ANTXR2: variants seen among roughly 807,000 people sequenced by gnomAD.
The protein encoded by ANTXR2 is ANTXR cell adhesion molecule 2.
A neutral mutation model predicts 73.7 loss-of-function variants in ANTXR2; 44 were observed. That is an observed-to-expected ratio of 0.60 (90% CI 0.47 to 0.77). The LOEUF is 0.77. Ranked by LOEUF, ANTXR2 falls within the 30% of genes least tolerant of loss-of-function variation. The pLI, the probability that ANTXR2 is intolerant of heterozygous loss-of-function variation, is 0.00. For synonymous variants in ANTXR2, 217 were observed against 205.9 expected (o/e 1.05, Z -0.46); for missense variants, 604 against 592.5 (o/e 1.02, Z -0.20).
chr4:79,915,896 A>G lies in ANTXR2; in HGVS notation c.1429-8429T>C, dbSNP rs1489969882. Reference sequence around the variant, plus strand: ...TATATATACATAAAGAATCTGTGCTATCTTTTGCTCTAAATAAAACTGCAA... The same window carrying G: ...TATATATACATAAAGAATCTGTGCTGTCTTTTGCTCTAAATAAAACTGCAA... On this transcript the variant is annotated intron_variant, in intron 16 of 16. Coordinates refer to ENST00000403729, the MANE Select transcript of ANTXR2 (RefSeq NM_058172.6). Among the ~76,000 whole-genome samples the G allele has an allele frequency of 2.1e-5, 3 of 142,050 alleles. No homozygotes were observed. The East Asian group carries it at 6.1e-4, about 29-fold the overall frequency. 93.2% of individuals were successfully genotyped at this position (142,050 alleles called of 152,430 possible).
chr4:79,927,706 C>A (rs1415661041), intron 16 of ANTXR2, among the ~76,000 whole-genome samples: 1 of 152,008 alleles, frequency 6.6e-6, no homozygotes, highest in East Asian at 1.9e-4. Context: ...ATGTTGTATA[C>A]CTTAAATATA....
intron 10 of ANTXR2, among the ~76,000 whole-genome samples, chr4:80,021,010 A>C (rs1732132409): frequency 6.6e-6 from 1 of 151,820 alleles, no homozygotes; most frequent in Non-Finnish European, 1.5e-5. Context: ...TTAGCCGGGC[A>C]TGGTGGCACG....
At chr4:79,976,742 T>C (rs1729651845) in intron 16 of ANTXR2, among the ~76,000 whole-genome samples, 4 of 152,172 alleles carry the variant, frequency 2.6e-5, no homozygotes, top group Admixed American at 2.0e-4. Context: ...AATTCTTTTC[T>C]GGATGAAGCC....
rs1041196377 is a variant in ANTXR2, at chr4:80,029,243, C to T, written c.866+2380G>A. On this transcript the variant is annotated intron_variant, in intron 10 of 16. Coordinates refer to ENST00000403729, the MANE Select transcript of ANTXR2 (RefSeq NM_058172.6). ...AATTCTAGAGAAAACAAAATCAGTG[C>T]CTGGGATAAAACAGGCATAATGCAT... Among the ~76,000 whole-genome samples the T allele has an allele frequency of 3.3e-5, 5 of 152,044 alleles. No homozygotes were observed. In the East Asian group the frequency reaches 5.8e-4, roughly 18 times the overall value.
At chr4:79,929,651 G>A (rs4234848) in intron 16 of ANTXR2, among the ~76,000 whole-genome samples, 105,179 of 151,990 alleles carry the variant, frequency 0.69, 36,789 homozygotes, top group East Asian at 1. Flanking sequence ...GGCATTTTAC[G>A]TTATGGCATC....
chr4:79,966,504 C>T (rs913053994), intron 16 of ANTXR2, among the ~76,000 whole-genome samples: 7 of 152,118 alleles, frequency 4.6e-5, no homozygotes, highest in Non-Finnish European at 1.0e-4. Context: ...CAAATATACT[C>T]TAAATTCCTG....
intron 3 of ANTXR2, among the ~76,000 whole-genome samples, chr4:80,069,230 T>TCCACA (rs1483449521): frequency 6.6e-6 from 1 of 152,138 alleles, no homozygotes; most frequent in East Asian, 1.9e-4. Context: ...CACTGCACAT[T>TCCACA]CCACAGCCAC....
intron 7 of ANTXR2, among the ~76,000 whole-genome samples, chr4:80,042,809 G>T (rs984332555): frequency 6.6e-6 from 1 of 151,964 alleles, no homozygotes; most frequent in South Asian, 2.1e-4. Context: ...GCAAAAACAG[G>T]TCTACCTATA....
chr4:80,067,063 G>A (rs1231252963), intron 3 of ANTXR2, among the ~76,000 whole-genome samples: 8 of 152,056 alleles, frequency 5.3e-5, no homozygotes, highest in East Asian at 1.9e-4. Flanking sequence ...AAAATTAGCC[G>A]GGCGTGGTGG....
At chr4:80,008,692 G>T in intron 11 of ANTXR2, 76 bp from the exon 12 acceptor site, 1 of 825,854 alleles carries the variant, frequency 1.2e-6, no homozygotes, top group Non-Finnish European at 1.8e-6. Flanking sequence ...TATATTTTAA[G>T]GAAACACCAG....
rs1485503664 is a variant in ANTXR2 at position 79,903,829 on chromosome 4, T to C, written c.*3600A>G. 1 of 152,170 alleles carries C rather than the reference T, an allele frequency of 6.6e-6. No individual in the cohort carries two copies. Among genetic ancestry groups the C allele is most frequent in the African/African-American group, 2.4e-5 (1 of 41,452 alleles). 9.4% of individuals were successfully genotyped at this position (152,170 alleles called of 1,614,324 possible). A position where few individuals can be genotyped will look rare whatever the true frequency, so the allele number is the denominator to read the frequency against. ...TCTAGATTATGTATTTCCTTTCATA[T>C]TGAAATGATGCATATATTTCTTTCC... On this transcript the variant is annotated 3_prime_UTR_variant, in exon 17 of 17. Coordinates refer to ENST00000403729, the MANE Select transcript of ANTXR2 (RefSeq NM_058172.6).
chr4:79,991,188 T>G (rs536864017), intron 12 of ANTXR2, among the ~76,000 whole-genome samples: 1 of 152,066 alleles, frequency 6.6e-6, no homozygotes, highest in African/African-American at 2.4e-5. Context: ...GAGAAAATAT[T>G]TGCAACCTAT....
intron 12 of ANTXR2, among the ~76,000 whole-genome samples, chr4:80,001,287 G>A (rs1032046879): frequency 6.7e-6 from 1 of 150,134 alleles, no homozygotes; most frequent in Non-Finnish European, 1.5e-5. Context: ...TCTAGCATTA[G>A]GTATATCTCC....
chr4:79,956,620 T>A (rs151035065), intron 16 of ANTXR2, among the ~76,000 whole-genome samples: 275 of 152,224 alleles, frequency 1.8e-3, no homozygotes, highest in Admixed American at 3.1e-3. Flanking sequence ...ACATAGTAGG[T>A]GCTCAGTGAC....
intron 7 of ANTXR2, among the ~76,000 whole-genome samples, chr4:80,038,850 TA>T (rs964209714): frequency 4.6e-5 from 7 of 151,330 alleles, no homozygotes; most frequent in East Asian, 1.9e-4. Context: ...GTTTTATTTA[TA>T]AAAAAAAACT....
intron 3 of ANTXR2, 67 bp from the exon 4 acceptor site, chr4:80,056,080 A>G: frequency 9.0e-7 from 1 of 1,106,960 alleles, no homozygotes; most frequent in Non-Finnish European, 1.3e-6. Flanking sequence ...CACTTCTTAA[A>G]AAACATGGCA....
rs371554215 is a variant in ANTXR2 at position 80,054,127 on chromosome 4, C to T, written c.636+145G>A. 37 of 617,236 alleles carry T rather than the reference C, an allele frequency of 6.0e-5. 2 individuals carry two copies. The South Asian group carries it at 7.7e-4, about 13-fold the overall frequency. 38.2% of individuals were successfully genotyped at this position (617,236 alleles called of 1,614,324 possible). ...AACAAAATTCACATCTTTAGAATTA[C>T]ACTGTTTGCAATACCAAACAAATCT... On this transcript the variant is annotated intron_variant, in intron 7 of 16. Transcript: ENST00000403729.
chr4:79,915,437 A>G (rs1727304415), intron 16 of ANTXR2, among the ~76,000 whole-genome samples: 1 of 152,118 alleles, frequency 6.6e-6, no homozygotes. Flanking sequence ...CACAGGATGT[A>G]TTTCACTGCT....
At chr4:79,965,950 C>A (rs377594648) in intron 16 of ANTXR2, among the ~76,000 whole-genome samples, 1 of 152,154 alleles carries the variant, frequency 6.6e-6, no homozygotes, top group South Asian at 2.1e-4. Flanking sequence ...GAATTGGTCT[C>A]AGTTCAACGT....
Sources: allele counts gnomAD v4.1 joint callset (sites outside exome capture counted in the v4.1 genomes callset), GRCh38; gene constraint gnomAD v4.1.1; transcripts MANE v1.5; gene names NCBI Gene and HGNC (gene_info 2026-07-23, HGNC 2026-07-21).